Variants in AK9 observed in about 807,000 individuals in gnomAD.
AK9 encodes adenylate kinase 9, also known as adenylate kinase domain containing 1.
Under a neutral mutation model 239.6 loss-of-function variants are expected in AK9, and 191 were observed. That is an observed-to-expected ratio of 0.80 (90% CI 0.71 to 0.90). The LOEUF (loss-of-function observed/expected upper bound fraction) is 0.90, where lower values mean the gene tolerates loss of function less well. AK9 is among the 40% of genes least tolerant of loss of function. The probability of loss-of-function intolerance (pLI) is 0.00; values close to 1 mark genes in which losing one functional copy is unlikely to be tolerated. For missense variants in AK9, 1,995 were observed against 2,214.7 expected (o/e 0.90, Z 1.99); for synonymous variants, 689 against 721.0 (o/e 0.96, Z 0.71).
At chr6:109,500,061 A>ACACACACACACT (rs1777454571) in intron 35 of AK9, among the ~76,000 whole-genome samples, 2 of 151,720 alleles carry the variant, frequency 1.3e-5, no homozygotes, top group African/African-American at 4.8e-5. Flanking sequence ...ACACACACAC[A>ACACACACACACT]CACACACACA....
intron 35 of AK9, among the ~76,000 whole-genome samples, chr6:109,501,987 A>G (rs987623048): frequency 6.6e-6 from 1 of 152,220 alleles, no homozygotes; most frequent in African/African-American, 2.4e-5. Context: ...CCAATTGCCC[A>G]ATTAATCTGA....
intron 21 of AK9, among the ~76,000 whole-genome samples, chr6:109,570,068 T>G (rs981728689): frequency 5.3e-5 from 8 of 152,122 alleles, no homozygotes; most frequent in South Asian, 2.1e-4. Flanking sequence ...AAGAAAATGT[T>G]GCACATATAC....
chr6:109,599,847 G>A (rs1791651184), intron 17 of AK9, among the ~76,000 whole-genome samples: 1 of 152,076 alleles, frequency 6.6e-6, no homozygotes, highest in Admixed American at 6.6e-5. Flanking sequence ...ATTGTGAATG[G>A]GAGTTCACTC....
intron 7 of AK9, among the ~76,000 whole-genome samples, chr6:109,657,430 A>C (rs557175688): frequency 5.9e-5 from 9 of 152,228 alleles, no homozygotes; most frequent in African/African-American, 1.9e-4. Context: ...ATGGATGAAG[A>C]GTGGTAGGAG....
At chr6:109,668,558 T>C (rs1333889489) in intron 5 of AK9, among the ~76,000 whole-genome samples, 2 of 149,778 alleles carry the variant, frequency 1.3e-5, no homozygotes, top group African/African-American at 2.4e-5. Flanking sequence ...TTAATCCATC[T>C]TGAATTAATT....
At chr6:109,512,381 GGC>G (rs1778841283) in intron 32 of AK9, among the ~76,000 whole-genome samples, 3 of 152,248 alleles carry the variant, frequency 2.0e-5, no homozygotes, top group African/African-American at 7.2e-5. Context: ...AAACCCTGGG[GGC>G]TGCTGTGTCT....
At chr6:109,500,127 C>A (rs1333563448) in intron 35 of AK9, among the ~76,000 whole-genome samples, 3 of 149,908 alleles carry the variant, frequency 2.0e-5, no homozygotes, top group Non-Finnish European at 3.0e-5. Flanking sequence ...TTAAAAAAAA[C>A]CTATGGGCTA....
intron 17 of AK9, among the ~76,000 whole-genome samples, chr6:109,602,339 G>C (rs1260137506): frequency 2.0e-5 from 3 of 152,152 alleles, no homozygotes; most frequent in Non-Finnish European, 2.9e-5. Context: ...ATGAAGCTTA[G>C]TTTGGCTGGA....
rs1009798957 is a variant in AK9, at chr6:109,502,674, G to C, written c.4850-3434C>G. Among the ~76,000 whole-genome samples, 42 of 152,196 alleles carry C rather than the reference G, an allele frequency of 2.8e-4. 1 individual carries two copies. The highest frequency in any genetic ancestry group is 9.6e-4 in the African/African-American group (40 of 41,456). ...ATGGACACTCTTTCTTGCCCTTTCA[G>C]GTTGTTCACTTGATAAAGGAAGCTG... On this transcript the variant is annotated intron_variant, in intron 35 of 40. Transcript: ENST00000424296.
chr6:109,648,584 T>C lies in AK9; in HGVS notation c.760-3896A>G, dbSNP rs1024642586. Reference sequence around the variant, plus strand: ...AATAGACCAATAACAGGCTCTGAAATTGACGCAATAATCAATAGCTTACCA... The same window carrying C: ...AATAGACCAATAACAGGCTCTGAAACTGACGCAATAATCAATAGCTTACCA... On this transcript the variant is annotated intron_variant, in intron 8 of 40. Transcript: ENST00000424296. Among the ~76,000 whole-genome samples the C allele has an allele frequency of 9.9e-5, 15 of 152,158 alleles. No homozygotes were observed. In the South Asian group the frequency reaches 1.0e-3, roughly 11 times the overall value.
At chr6:109,589,351 T>C (rs571964834) in intron 17 of AK9, among the ~76,000 whole-genome samples, 3 of 152,302 alleles carry the variant, frequency 2.0e-5, no homozygotes, top group South Asian at 2.1e-4. Flanking sequence ...ATAAATGGGA[T>C]TGAGTTCTTG....
chr6:109,520,850 T>C (rs1363829933), intron 29 of AK9, among the ~76,000 whole-genome samples: 2 of 152,132 alleles, frequency 1.3e-5, no homozygotes, highest in African/African-American at 4.8e-5. Context: ...TCTTAGGTAT[T>C]TTATTCTTTT....
At position 109,551,762 on chromosome 6, in the gene AK9, A is replaced by G. The variant is rs576107180; in HGVS notation, c.2752-1460T>C. ...CCTTATAATTTTTTTTCAGTTTTTT[A>G]TTTCTTCCAAAAAAAAAAAGGGGGG... On this transcript the variant is annotated intron_variant, in intron 24 of 40. Coordinates refer to ENST00000424296, the MANE Select transcript of AK9 (RefSeq NM_001145128.3). 3.0e-5 allele frequency among the ~76,000 whole-genome samples: 3 copies of G among 101,578 alleles called. No homozygotes were observed. The East Asian group carries it at 1.8e-3, about 60-fold the overall frequency. 66.6% of individuals were successfully genotyped at this position (101,578 alleles called of 152,430 possible). A position where few individuals can be genotyped will look rare whatever the true frequency, so the allele number is the denominator to read the frequency against.
At chr6:109,581,053 G>A (rs6932271) in intron 19 of AK9, among the ~76,000 whole-genome samples, 10,953 of 151,834 alleles carry the variant, frequency 0.072, 602 homozygotes, top group East Asian at 0.15. Context: ...TCATTGTTTG[G>A]GGCACCATGA....
At chr6:109,650,965 G>C (rs1169696712) in intron 8 of AK9, among the ~76,000 whole-genome samples, 21 of 152,068 alleles carry the variant, frequency 1.4e-4, no homozygotes, top group Non-Finnish European at 2.9e-4. Flanking sequence ...ATCATTCTCA[G>C]CAAACTATCG....
intron 32 of AK9, among the ~76,000 whole-genome samples, chr6:109,513,823 C>G (rs370935377): frequency 7.4e-4 from 113 of 152,258 alleles, no homozygotes; most frequent in South Asian, 1.9e-3. Context: ...GATAGGATCT[C>G]TGATGTTAGA....
intron 38 of AK9, 103 bp downstream of exon 38, chr6:109,497,362 A>ACACACACTCTCTCT (rs1554230922): frequency 2.4e-5 from 12 of 500,368 alleles, no homozygotes; most frequent in African/African-American, 2.2e-4. Context: ...ACACACACAC[A>ACACACACTCTCTCT]CTCTCTCTCT....
rs752428262 is a variant in AK9, at chr6:109,529,051, C to T, written c.3593G>A (p.Arg1198Lys). ...KIRVDTIAKR[R>K]AELILERDKK... The stretch of plus-strand genomic sequence containing the variant: ...ATCTCTCTCTAATATAAGTTCAGCC[C>T]TTCTTTTAGCAATCGTATCAACCTG... The change falls in exon 29 of 41, where the codon AGG (arginine) becomes AAG (lysine). Residue 1198 changes from arginine to lysine, a missense_variant. By Grantham distance (26) the Arg-to-Lys change is conservative (BLOSUM62 2). Coordinates refer to ENST00000424296, the MANE Select transcript of AK9 (RefSeq NM_001145128.3). The T allele has an allele frequency of 6.3e-7, 1 of 1,583,144 alleles. No individual in the cohort carries two copies. The highest frequency in any genetic ancestry group is 8.5e-7 in the Non-Finnish European group (1 of 1,171,580).
intron 17 of AK9, 100 bp downstream of exon 17, chr6:109,610,265 C>T (rs1246855178): frequency 7.2e-7 from 1 of 1,385,752 alleles, no homozygotes; most frequent in East Asian, 2.5e-5. Flanking sequence ...CTACAAATTT[C>T]AACATCATAA....
Sources: allele counts gnomAD v4.1 joint callset (sites outside exome capture counted in the v4.1 genomes callset), GRCh38; gene constraint gnomAD v4.1.1; transcripts MANE v1.5; gene names NCBI Gene and HGNC (gene_info 2026-07-23, HGNC 2026-07-21).